FMNL2: variants seen among roughly 807,000 people sequenced by gnomAD.
FMNL2 encodes the protein formin like 2.
Under a neutral mutation model 130.2 loss-of-function variants are expected in FMNL2, and 51 were observed. The observed-to-expected ratio is 0.39, with a 90% CI of 0.31 to 0.49. The LOEUF (loss-of-function observed/expected upper bound fraction) is 0.49. FMNL2 is among the 20% of genes least tolerant of loss of function. FMNL2 has a pLI of 0.85. For synonymous variants in FMNL2, 465 were observed against 467.1 expected, an observed-to-expected ratio of 1.00 and a Z score of 0.06; for missense variants, 977 against 1,316.2, an observed-to-expected ratio of 0.74 and a Z score of 3.99.
intron 1 of FMNL2, among the ~76,000 whole-genome samples, chr2:152,423,141 TG>T (rs1687006146): frequency 6.6e-6 from 1 of 152,178 alleles, no homozygotes. Flanking sequence ...TAATGTAAAA[TG>T]GGATATCTTC....
intron 11 of FMNL2, among the ~76,000 whole-genome samples, chr2:152,612,019 G>T (rs1698710096): frequency 6.6e-6 from 1 of 151,880 alleles, no homozygotes. Flanking sequence ...AGTGCTTAGA[G>T]CATAAAAAAA....
intron 1 of FMNL2, among the ~76,000 whole-genome samples, chr2:152,496,094 A>T (rs1306605731): frequency 6.6e-6 from 1 of 152,162 alleles, no homozygotes; most frequent in Non-Finnish European, 1.5e-5. Flanking sequence ...TCATAGTGTG[A>T]TGATCAAAAC....
chr2:152,623,778 T>C (rs1467697914), intron 15 of FMNL2, among the ~76,000 whole-genome samples: 1 of 152,156 alleles, frequency 6.6e-6, no homozygotes, highest in East Asian at 1.9e-4. Flanking sequence ...GGAAGACTTC[T>C]TTATGATATA....
intron 6 of FMNL2, among the ~76,000 whole-genome samples, chr2:152,561,286 G>T (rs1558965233): frequency 6.6e-6 from 1 of 152,154 alleles, no homozygotes; most frequent in Non-Finnish European, 1.5e-5. Context: ...CTGCTGCCAA[G>T]TGATAGAACA....
Position 152,647,826 on chromosome 2 carries a change from A to T in FMNL2, c.3200A>T (p.Asp1067Val). 1 of 1,613,946 alleles carries T rather than the reference A, an allele frequency of 6.2e-7. No individual in the cohort carries two copies. Among genetic ancestry groups the T allele is most frequent in the Non-Finnish European group, 8.5e-7 (1 of 1,179,862 alleles). Reference protein sequence around the residue: ...DLRNQPYRRADAVRRSVRRRF... With the variant: ...DLRNQPYRRAVAVRRSVRRRF... ...AGAAACCAACCATACAGACGAGCCG[A>T]TGCGGTGAGGAGAAGCGTCAGGCGG... The change falls in exon 26 of 26, where the codon GAT becomes GTT. Residue 1067 changes from aspartate to valine, a missense_variant. Physicochemically the swap from Asp to Val is radical, Grantham distance 152 (BLOSUM62 -3). This residue lies in a region of FMNL2 where 168 missense variants were observed against 168.8 expected (regional missense o/e 1.00). Coordinates refer to ENST00000288670, the MANE Select transcript of FMNL2 (RefSeq NM_052905.4).
Position 152,640,819 on chromosome 2 carries a change from A to G in FMNL2, c.3074A>G (p.Gln1025Arg). 1 of 1,613,752 alleles carries G rather than the reference A, an allele frequency of 6.2e-7. No homozygotes were observed. Among genetic ancestry groups the G allele is most frequent in the Non-Finnish European group, 8.5e-7 (1 of 1,179,766 alleles). The change falls in exon 25 of 26, where the codon CAG becomes CGG. Residue 1025 changes from glutamine (Q) to arginine (R), a missense_variant. Physicochemically the swap from Gln to Arg is conservative, Grantham distance 43. Transcript: ENST00000288670. Reference sequence around the variant, plus strand: ...CCTTCTCATAAATCAAAGAGGCAGCAGCAAGAGTTAATTGCAGAATTAAGA... The same window carrying G: ...CCTTCTCATAAATCAAAGAGGCAGCGGCAAGAGTTAATTGCAGAATTAAGA... ...KSPSHKSKRQ[Q>R]QELIAELRRR...
At chr2:152,440,215 A>G (rs558077225) in intron 1 of FMNL2, among the ~76,000 whole-genome samples, 35 of 152,090 alleles carry the variant, frequency 2.3e-4, no homozygotes, top group Admixed American at 5.2e-4. Flanking sequence ...TCAGCCTCCC[A>G]CAGTGTTGGA....
chr2:152,646,474 T>A (rs947864667), intron 25 of FMNL2, among the ~76,000 whole-genome samples: 3 of 152,140 alleles, frequency 2.0e-5, no homozygotes, highest in African/African-American at 4.8e-5. Context: ...TTTTGCTGTG[T>A]AGGAACTGGG....
At chr2:152,429,216 A>G (rs1687355763) in intron 1 of FMNL2, among the ~76,000 whole-genome samples, 1 of 67,722 alleles carries the variant, frequency 1.5e-5, no homozygotes, top group African/African-American at 1.5e-4. Context: ...TTAGAGGAAC[A>G]AAAAAAAAAA....
In FMNL2 at chr2:152,648,126, G is replaced by GGATTT. The variant is rs1326635228; in HGVS notation, c.*231_*235dup. On this transcript the variant is annotated 3_prime_UTR_variant, in exon 26 of 26. Transcript: ENST00000288670. ...CCTGTTCAGATTAATCAAAGCAATA[G>GGATTT]GATTTGATTTGATTAGGTATCTTTT... 3 of 481,700 alleles carry GGATTT rather than the reference G, an allele frequency of 6.2e-6. No individual in the cohort carries two copies. The highest frequency in any genetic ancestry group is 1.1e-5 in the Non-Finnish European group (3 of 274,558). 29.8% of individuals were successfully genotyped at this position (481,700 alleles called of 1,614,324 possible). A position where few individuals can be genotyped will look rare whatever the true frequency, so the allele number is the denominator to read the frequency against.
At chr2:152,375,871 CTCTCTCTATA>C (rs1208761445) in intron 1 of FMNL2, among the ~76,000 whole-genome samples, 3 of 114,582 alleles carry the variant, frequency 2.6e-5, no homozygotes, top group African/African-American at 6.5e-5. Flanking sequence ...CTCTCTCTCT[CTCTCTCTATA>C]TATATATATA....
At position 152,578,965 on chromosome 2, in the gene FMNL2, G is replaced by A; in HGVS notation, c.782+1G>A. ...TAAGCCTGAACAACAAGAATCCCAG[G>A]TAAGCTGCTTTTGTAGTACGCAAGT... is the stretch of plus-strand genomic sequence containing the variant. On this transcript the variant is annotated splice_donor_variant, in intron 8 of 25. Transcript: ENST00000288670. LOFTEE classifies it high-confidence loss of function. 6.2e-7 allele frequency: 1 copy of A among 1,612,140 alleles called. No homozygotes were observed. Among genetic ancestry groups the A allele is most frequent in the Non-Finnish European group, 8.5e-7 (1 of 1,178,712 alleles).
At chr2:152,483,691 T>C (rs1448649099) in intron 1 of FMNL2, among the ~76,000 whole-genome samples, 3 of 152,244 alleles carry the variant, frequency 2.0e-5, no homozygotes, top group African/African-American at 7.2e-5. Flanking sequence ...AGCTCATTAC[T>C]GTGTCCACGC....
chr2:152,613,301 C>T (rs924487244), intron 11 of FMNL2, among the ~76,000 whole-genome samples: 6 of 152,248 alleles, frequency 3.9e-5, no homozygotes, highest in East Asian at 3.9e-4. Flanking sequence ...AAATTCCTAG[C>T]GGTGTTTTGG....
rs182355921 is a variant in FMNL2, at chr2:152,370,288, C to T, written c.117+34568C>T. ...GCTGATTTCTTGTATCCTCACATGG[C>T]AGAAAGAGAACTAGGAAGCTCCCCG... On this transcript the variant is annotated intron_variant, in intron 1 of 25. Coordinates refer to ENST00000288670, the MANE Select transcript of FMNL2 (RefSeq NM_052905.4). Among the ~76,000 whole-genome samples, 422 of 152,264 alleles carry T rather than the reference C, an allele frequency of 2.8e-3. 2 individuals carry two copies. Among genetic ancestry groups the T allele is most frequent in the African/African-American group, 9.6e-3 (400 of 41,550 alleles).
At chr2:152,503,712 G>T (rs1334328741) in intron 1 of FMNL2, among the ~76,000 whole-genome samples, 1 of 152,186 alleles carries the variant, frequency 6.6e-6, no homozygotes, top group South Asian at 2.1e-4. Flanking sequence ...TGGATTCTAA[G>T]TTGGGTAAGG....
intron 9 of FMNL2, among the ~76,000 whole-genome samples, chr2:152,605,284 A>G (rs978070293): frequency 6.6e-6 from 1 of 151,404 alleles, no homozygotes; most frequent in Non-Finnish European, 1.5e-5. Context: ...GGGACTGGTC[A>G]TGTGTGTGCG....
Position 152,479,231 on chromosome 2 carries a change from C to T in FMNL2, c.118-42712C>T, listed in dbSNP as rs545773305. On this transcript the variant is annotated intron_variant, in intron 1 of 25. Transcript: ENST00000288670. Reference sequence around the variant, plus strand: ...CTCGAACTCCTGGGCTCAACCAATCCTCCTGCCTCAGCCAATCCTCCTGCC... The same window carrying T: ...CTCGAACTCCTGGGCTCAACCAATCTTCCTGCCTCAGCCAATCCTCCTGCC... 7.0e-4 allele frequency among the ~76,000 whole-genome samples: 105 copies of T among 149,030 alleles called. 1 individual carries two copies. The highest frequency in any genetic ancestry group is 2.6e-3 in the African/African-American group (100 of 38,560).
intron 1 of FMNL2, among the ~76,000 whole-genome samples, chr2:152,373,171 T>A (rs1336914324): frequency 2.0e-5 from 3 of 152,248 alleles, no homozygotes; most frequent in Non-Finnish European, 4.4e-5. Flanking sequence ...AATTGGTTAC[T>A]GTTCTTATAA....
Sources: allele counts gnomAD v4.1 joint callset (sites outside exome capture counted in the v4.1 genomes callset), GRCh38; gene constraint gnomAD v4.1.1; regional missense constraint gnomAD v4.1.1; transcripts MANE v1.5; gene names NCBI Gene and HGNC (gene_info 2026-07-23, HGNC 2026-07-21).